SCYL3: variants seen among roughly 807,000 people sequenced by gnomAD.
SCYL3 encodes the protein SCY1 like pseudokinase 3, also known as protein-associating with the carboxyl-terminal domain of ezrin.
Under a neutral mutation model 73.8 loss-of-function variants are expected in SCYL3, and 35 were observed. That is an observed-to-expected ratio of 0.47 (90% CI 0.36 to 0.63). The LOEUF (loss-of-function observed/expected upper bound fraction) is 0.63. SCYL3 is among the 20% of genes least tolerant of loss of function. The pLI is 0.00. For missense variants in SCYL3, 712 were observed against 798.9 expected, an observed-to-expected ratio of 0.89 and a Z score of 1.31; for synonymous variants, 277 against 295.2, an observed-to-expected ratio of 0.94 and a Z score of 0.63.
intron 1 of SCYL3, among the ~76,000 whole-genome samples, chr1:169,892,521 G>A (rs1272185226): frequency 1.3e-5 from 2 of 152,200 alleles, no homozygotes; most frequent in African/African-American, 2.4e-5. Flanking sequence ...TGAGGACGGG[G>A]AAAACACAAA....
At chr1:169,880,148 C>T (rs886704306) in intron 2 of SCYL3, among the ~76,000 whole-genome samples, 2 of 151,858 alleles carry the variant, frequency 1.3e-5, no homozygotes, top group African/African-American at 4.8e-5. Context: ...GAGCCTCAGA[C>T]ACCTGTGACA....
intron 1 of SCYL3, among the ~76,000 whole-genome samples, chr1:169,891,059 A>C (rs1662046727): frequency 6.6e-6 from 1 of 152,230 alleles, no homozygotes; most frequent in Admixed American, 6.5e-5. Flanking sequence ...CAAATTAGCC[A>C]TCAATTTCAT....
chr1:169,855,324 T>C (rs1418892924), intron 11 of SCYL3, among the ~76,000 whole-genome samples: 1 of 152,218 alleles, frequency 6.6e-6, no homozygotes, highest in Non-Finnish European at 1.5e-5. Context: ...GAAAAAGTCT[T>C]GCAGGCTCAA....
intron 3 of SCYL3, 29 bp from the exon 4 acceptor site, chr1:169,876,120 G>T: frequency 7.7e-7 from 1 of 1,292,508 alleles, no homozygotes; most frequent in Admixed American, 2.3e-5. Flanking sequence ...AGAAGGAAGA[G>T]TGCCACTCCA....
At chr1:169,869,976 C>A (rs927375930) in intron 6 of SCYL3, among the ~76,000 whole-genome samples, 3 of 152,160 alleles carry the variant, frequency 2.0e-5, no homozygotes, top group Non-Finnish European at 4.4e-5. Context: ...TACATTTAGA[C>A]CGCTTAAGTA....
At chr1:169,856,590 C>G (rs141799938) in intron 11 of SCYL3, among the ~76,000 whole-genome samples, 4 of 152,246 alleles carry the variant, frequency 2.6e-5, no homozygotes, top group South Asian at 2.1e-4. Context: ...ACATCTCCCC[C>G]CTCCTCACCC....
At chr1:169,863,950 T>G (rs1659845094) in intron 9 of SCYL3, among the ~76,000 whole-genome samples, 3 of 152,178 alleles carry the variant, frequency 2.0e-5, no homozygotes. Flanking sequence ...CATTTCACAT[T>G]CGTAAAAAAA....
At chr1:169,889,274 G>A (rs148657928) in intron 1 of SCYL3, among the ~76,000 whole-genome samples, 1 of 152,172 alleles carries the variant, frequency 6.6e-6, no homozygotes, top group Non-Finnish European at 1.5e-5. Context: ...ACTTCTGTAT[G>A]TAGAAAATAA....
At position 169,852,708 on chromosome 1, in the gene SCYL3, A is replaced by G. The variant is rs1658546816; in HGVS notation, c.*1005T>C. 7.1e-7 allele frequency: 1 copy of G among 1,405,084 alleles called. No individual in the cohort carries two copies. The highest frequency in any genetic ancestry group is 1.2e-5 in the South Asian group (1 of 80,350). 87.0% of individuals were successfully genotyped at this position (1,405,084 alleles called of 1,614,324 possible). On this transcript the variant is annotated 3_prime_UTR_variant, in exon 13 of 13. Transcript: ENST00000367771. ...ATCCAATGACTAGAATAAAATTTGC[A>G]TGTAAGCTTTACTCCAGTCCAAAAG...
At chr1:169,863,953 T>TA (rs1036634589) in intron 9 of SCYL3, among the ~76,000 whole-genome samples, 4 of 151,980 alleles carry the variant, frequency 2.6e-5, no homozygotes, top group Non-Finnish European at 4.4e-5. Context: ...TTCACATTCG[T>TA]AAAAAAAACT....
chr1:169,888,937 A>C, intron 1 of SCYL3, 47 bp from the exon 2 acceptor site: 3 of 1,112,578 alleles, frequency 2.7e-6, no homozygotes, highest in Non-Finnish European at 3.7e-6. Flanking sequence ...CCCTATCTGC[A>C]ACATCAACAA....
intron 11 of SCYL3, 28 bp downstream of exon 11, chr1:169,859,013 A>C (rs774694918): frequency 1.2e-5 from 20 of 1,602,364 alleles, no homozygotes; most frequent in Admixed American, 1.8e-5. Context: ...ATGACACACA[A>C]AAAGTTAGAC....
At chr1:169,880,150 C>A (rs1661146514) in intron 2 of SCYL3, among the ~76,000 whole-genome samples, 1 of 151,732 alleles carries the variant, frequency 6.6e-6, no homozygotes, top group South Asian at 2.1e-4. Flanking sequence ...GCCTCAGACA[C>A]CTGTGACAAT....
chr1:169,873,224 A>G (rs115812886), intron 5 of SCYL3, among the ~76,000 whole-genome samples: 1,523 of 152,136 alleles, frequency 0.01, 25 homozygotes, highest in African/African-American at 0.034. Context: ...GTCTCACAAG[A>G]CCTGATGGTT....
At position 169,851,703 on chromosome 1, in the gene SCYL3, T is replaced by C; in HGVS notation, c.*2010A>G. On this transcript the variant is annotated 3_prime_UTR_variant, in exon 13 of 13. Transcript: ENST00000367771. ...TATTTATAGATCAGTCCATGTGACT[T>C]CCAGAATTTGCCTAGTATGGTTGAA... 1 of 1,274,726 alleles carries C rather than the reference T, an allele frequency of 7.8e-7. No individual in the cohort carries two copies. 79.0% of individuals were successfully genotyped at this position (1,274,726 alleles called of 1,614,324 possible). A position where few individuals can be genotyped will look rare whatever the true frequency, so the allele number is the denominator to read the frequency against.
intron 2 of SCYL3, among the ~76,000 whole-genome samples, chr1:169,879,515 G>C (rs1661095476): frequency 6.6e-6 from 1 of 152,204 alleles, no homozygotes; most frequent in African/African-American, 2.4e-5. Flanking sequence ...TTCACAGGAA[G>C]AGTAAGAGGA....
intron 7 of SCYL3, among the ~76,000 whole-genome samples, chr1:169,867,183 G>A (rs548109702): frequency 3.9e-5 from 6 of 152,302 alleles, no homozygotes; most frequent in African/African-American, 1.4e-4. Flanking sequence ...AGAGATCTGT[G>A]ACGAGGATAC....
At chr1:169,888,600 A>G (rs1002083152) in intron 2 of SCYL3, 76 bp downstream of exon 2, 1 of 1,220,294 alleles carries the variant, frequency 8.2e-7, no homozygotes, top group East Asian at 2.4e-5. Flanking sequence ...TTTGAACTTT[A>G]CTAATTTCAT....
chr1:169,870,098 C>T (rs1660290172), intron 6 of SCYL3, among the ~76,000 whole-genome samples, 157 bp downstream of exon 6: 1 of 152,222 alleles, frequency 6.6e-6, no homozygotes, highest in Non-Finnish European at 1.5e-5. Flanking sequence ...AAGCTTCTTT[C>T]CTTACTGTTC....
Sources: allele counts gnomAD v4.1 joint callset (sites outside exome capture counted in the v4.1 genomes callset), GRCh38; gene constraint gnomAD v4.1.1; transcripts MANE v1.5; gene names NCBI Gene and HGNC (gene_info 2026-07-23, HGNC 2026-07-21).